The following ZC3H4 variants were observed in gnomAD, a reference collection of about 807,000 sequenced individuals.
ZC3H4 encodes the protein zinc finger CCCH domain-containing protein 4.
A neutral mutation model predicts 108.3 loss-of-function variants in ZC3H4; 13 were observed. The ratio of observed to expected loss-of-function variants is 0.12; its 90% CI spans 0.08 to 0.19. The LOEUF (loss-of-function observed/expected upper bound fraction) is 0.19, where lower values mean the gene tolerates loss of function less well. ZC3H4 is among the 10% of genes least tolerant of loss of function. The pLI, the probability that ZC3H4 is intolerant of heterozygous loss-of-function variation, is 1.00. For missense variants in ZC3H4, 1,734 were observed against 1,838.8 expected, an observed-to-expected ratio of 0.94 and a Z score of 1.04; for synonymous variants, 917 against 749.6, an observed-to-expected ratio of 1.22 and a Z score of -3.65.
chr19:47,103,506 G>A (rs543642524), intron 2 of ZC3H4, among the ~76,000 whole-genome samples: 8 of 152,134 alleles, frequency 5.3e-5, no homozygotes, highest in South Asian at 2.1e-4. Flanking sequence ...GTTTCAGGCC[G>A]GGCGCAGTGG....
chr19:47,102,776 A>G (rs879203735), intron 2 of ZC3H4, among the ~76,000 whole-genome samples: 1 of 152,110 alleles, frequency 6.6e-6, no homozygotes, highest in Admixed American at 6.6e-5. Flanking sequence ...TGGCAAAAAA[A>G]AAAAAAAAAT....
intron 2 of ZC3H4, among the ~76,000 whole-genome samples, chr19:47,109,710 TTCC>T (rs1226314514): frequency 3.3e-5 from 5 of 152,204 alleles, no homozygotes; most frequent in African/African-American, 1.2e-4. Flanking sequence ...GAATTGCAGT[TTCC>T]TCATCTACAT....
At position 47,086,423 on chromosome 19, in the gene ZC3H4, G is replaced by A. The variant is rs2057624272; in HGVS notation, c.831C>T (p.His277=). Residue 277 remains histidine (H), a synonymous_variant, in exon 6 of 15, where the codon CAC becomes CAT. Coordinates refer to ENST00000253048, the MANE Select transcript of ZC3H4 (RefSeq NM_015168.2). ...GRGRGSMGGD[H]PEDEEDFYEE... The stretch of plus-strand genomic sequence containing the variant: ...CGTAGAAATCCTCTTCATCCTCCGG[G>A]TGGTCTCCTCCCATAGAGCCTCTGC... The A allele has an allele frequency of 6.2e-7, 1 of 1,613,386 alleles. No homozygotes were observed. The highest frequency in any genetic ancestry group is 8.5e-7 in the Non-Finnish European group (1 of 1,179,846).
At chr19:47,089,558 T>C (rs1201278567) in intron 5 of ZC3H4, among the ~76,000 whole-genome samples, 2 of 152,056 alleles carry the variant, frequency 1.3e-5, no homozygotes, top group Non-Finnish European at 2.9e-5. Context: ...AGGACACAGG[T>C]TCAAGGTTCA....
chr19:47,092,825 A>AATAAATAC (rs1257855585), intron 4 of ZC3H4, among the ~76,000 whole-genome samples: 2 of 151,274 alleles, frequency 1.3e-5, no homozygotes, highest in Non-Finnish European at 2.9e-5. Context: ...TCAATAAATA[A>AATAAATAC]ATAAATAAAT....
intron 11 of ZC3H4, among the ~76,000 whole-genome samples, chr19:47,078,509 G>A (rs180684007): frequency 4.0e-5 from 6 of 151,596 alleles, no homozygotes; most frequent in Admixed American, 1.3e-4. Flanking sequence ...TTAGCCAGGC[G>A]CATTGGTGCA....
At chr19:47,112,357 GCC>G in intron 2 of ZC3H4, 65 bp downstream of exon 2, 3 of 1,220,238 alleles carry the variant, frequency 2.5e-6, no homozygotes, top group Non-Finnish European at 3.1e-6. Flanking sequence ...CATGGCGGCC[GCC>G]CCCCTTCCTC....
chr19:47,092,399 A>C (rs1418541807), intron 4 of ZC3H4, among the ~76,000 whole-genome samples: 1 of 152,246 alleles, frequency 6.6e-6, no homozygotes, highest in African/African-American at 2.4e-5. Context: ...TCAGGTTTGA[A>C]GGCCAAACCT....
At chr19:47,104,937 A>G (rs2057949618) in intron 2 of ZC3H4, among the ~76,000 whole-genome samples, 1 of 151,436 alleles carries the variant, frequency 6.6e-6, no homozygotes, top group Non-Finnish European at 1.5e-5. Flanking sequence ...CCACTTCCAC[A>G]CGGGACCTCA....
At chr19:47,085,015 G>A (rs867981288) in intron 8 of ZC3H4, 41 bp downstream of exon 8, 3 of 1,610,262 alleles carry the variant, frequency 1.9e-6, no homozygotes, top group Non-Finnish European at 2.5e-6. Context: ...ACTAAGAAGG[G>A]ACCTTGGCCC....
chr19:47,092,080 C>T (rs543460611), intron 4 of ZC3H4, among the ~76,000 whole-genome samples: 1 of 151,606 alleles, frequency 6.6e-6, no homozygotes, highest in South Asian at 2.1e-4. Flanking sequence ...CGTTATGGCC[C>T]ATGGTTCCAG....
In ZC3H4 at chr19:47,089,996, C is replaced by T. The variant is rs763570156; in HGVS notation, c.686G>A (p.Arg229His). The T allele has an allele frequency of 1.9e-6, 3 of 1,614,210 alleles. No individual in the cohort carries two copies. The highest frequency in any genetic ancestry group is 1.6e-4 in the Middle Eastern group (1 of 6,062). The change falls in exon 5 of 15, where the codon CGT becomes CAT. Residue 229 changes from arginine to histidine, a missense_variant. Around this residue, in one of 9 missense-constraint regions of ZC3H4, gnomAD observed 403 missense variants for 457.0 expected, o/e 0.88. Transcript: ENST00000253048. The part of the protein sequence containing the change: ...DFTKELNQYR[R>H]AKEGSSRGRG... ...GCCGCGGCTGCTGCCCTCCTTGGCACGCCGGTACTGGTTCAGCTCTTTGGT... is the reference window on the plus strand; with the variant it reads ...GCCGCGGCTGCTGCCCTCCTTGGCATGCCGGTACTGGTTCAGCTCTTTGGT...
intron 13 of ZC3H4, among the ~76,000 whole-genome samples, chr19:47,071,422 A>T (rs2057323610): frequency 1.3e-5 from 2 of 152,178 alleles, no homozygotes; most frequent in Admixed American, 1.3e-4. Flanking sequence ...CAAGCCGAGA[A>T]CTGCCCGGAA....
chr19:47,086,293 C>T (rs913346294), intron 6 of ZC3H4, 91 bp downstream of exon 6: 133 of 1,493,476 alleles, frequency 8.9e-5, no homozygotes, highest in Non-Finnish European at 1.5e-5. Context: ...TGTCTTCCTA[C>T]CTTGGCCTCA....
chr19:47,084,468 G>A lies in ZC3H4; in HGVS notation c.1108-13C>T, dbSNP rs1457568643. On this transcript the variant is annotated splice_polypyrimidine_tract_variant and intron_variant, in intron 8 of 14. Transcript: ENST00000253048. ...CACCACCACCGTCCTGCAATGGACA[G>A]GGTGTGGACGTAAAGGGGAATGAAA... 6.2e-7 allele frequency: 1 copy of A among 1,613,494 alleles called. No individual in the cohort carries two copies. Among genetic ancestry groups the A allele is most frequent in the Non-Finnish European group, 8.5e-7 (1 of 1,179,526 alleles).
chr19:47,106,693 C>T (rs1479223621), intron 2 of ZC3H4, among the ~76,000 whole-genome samples: 2 of 152,186 alleles, frequency 1.3e-5, no homozygotes, highest in Admixed American at 6.5e-5. Context: ...GAAGGGAATA[C>T]GAAGCCTGGT....
intron 10 of ZC3H4, 27 bp from the exon 11 acceptor site, chr19:47,081,649 T>C: frequency 1.3e-6 from 2 of 1,593,944 alleles, no homozygotes; most frequent in Non-Finnish European, 1.7e-6. Flanking sequence ...GGTAAATGCT[T>C]CATCTCACAG....
rs1446148032 is a variant in ZC3H4, at chr19:47,064,479, T to C, written c.*1877A>G. ...AATTTCGGGTGAATTCATAGTCCTA[T>C]GAGGTTCTTAGGCTGAATATTCCAA... is the stretch of plus-strand genomic sequence containing the variant. On this transcript the variant is annotated 3_prime_UTR_variant, in exon 15 of 15. Coordinates refer to ENST00000253048, the MANE Select transcript of ZC3H4 (RefSeq NM_015168.2). 1 of 152,524 alleles carries C rather than the reference T, an allele frequency of 6.6e-6. No individual in the cohort carries two copies. The highest frequency in any genetic ancestry group is 1.5e-5 in the Non-Finnish European group (1 of 68,032). The allele number at this position is 152,524 out of a possible 1,614,324, so 9.4% of individuals were successfully genotyped here. A position where few individuals can be genotyped will look rare whatever the true frequency, so the allele number is the denominator to read the frequency against.
intron 10 of ZC3H4, among the ~76,000 whole-genome samples, chr19:47,081,974 T>TC (rs1160181104): frequency 1.1e-4 from 16 of 152,038 alleles, no homozygotes; most frequent in Non-Finnish European, 1.5e-5. Context: ...CAGAACATGC[T>TC]CCATGTGCAT....
Sources: gnomAD v4.1 joint callset for allele counts (sites outside exome capture counted in the v4.1 genomes callset) on GRCh38, gnomAD v4.1.1 for gene constraint, gnomAD v4.1.1 regional missense constraint, MANE v1.5 for transcripts, NCBI Gene and HGNC (gene_info 2026-07-23, HGNC 2026-07-21) for gene names.